The following MTMR3 variants were observed in gnomAD, a reference collection of about 807,000 sequenced individuals.
The protein encoded by MTMR3 is myotubularin related protein 3, also known as phosphatidylinositol-3,5-bisphosphate 3-phosphatase MTMR3.
A neutral mutation model predicts 132.4 loss-of-function variants in MTMR3; 32 were observed. That is an observed-to-expected ratio of 0.24 (90% confidence interval 0.18 to 0.32). The LOEUF (loss-of-function observed/expected upper bound fraction) is 0.32, where lower values mean the gene tolerates loss of function less well. Among genes scored for constraint, MTMR3 ranks in the 10% least tolerant of loss-of-function variants. The probability of loss-of-function intolerance (pLI) is 1.00; values close to 1 mark genes in which losing one functional copy is unlikely to be tolerated. For synonymous variants in MTMR3, 556 were observed against 550.3 expected, an observed-to-expected ratio of 1.01 and a Z score of -0.14; for missense variants, 1,216 against 1,489.6, an observed-to-expected ratio of 0.82 and a Z score of 3.02.
rs987249774 is a variant in MTMR3, at chr22:30,027,989, C to T, written c.*2188C>T. On this transcript the variant is annotated 3_prime_UTR_variant, in exon 20 of 20. Transcript: ENST00000401950. ...TTGGCAAAGGAAAGCTACAGATAGC[C>T]TTCCGACTCTAGACCTTGGCAAGGA... is the stretch of plus-strand genomic sequence containing the variant. 6.6e-6 allele frequency: 1 copy of T among 152,356 alleles called. No homozygotes were observed. The highest frequency in any genetic ancestry group is 1.5e-5 in the Non-Finnish European group (1 of 68,044). The allele number at this position is 152,356 out of a possible 1,614,324, so 9.4% of individuals were successfully genotyped here.
At chr22:30,021,967 C>A in intron 17 of MTMR3, 62 bp from the exon 18 acceptor site, 1 of 1,335,136 alleles carries the variant, frequency 7.5e-7, no homozygotes, top group Non-Finnish European at 1.1e-6. Flanking sequence ...CTTCACCAGG[C>A]CTTTTCTTCT....
chr22:29,966,349 T>G (rs1810314019), intron 2 of MTMR3, among the ~76,000 whole-genome samples: 2 of 152,310 alleles, frequency 1.3e-5, no homozygotes, highest in Admixed American at 1.3e-4. Context: ...ATACTTTGAA[T>G]AAGAATCCAA....
At chr22:29,996,938 T>C in intron 7 of MTMR3, 1 of 152,212 alleles carries the variant, frequency 6.6e-6, no homozygotes, top group East Asian at 1.9e-4. Flanking sequence ...GTTGACCAGA[T>C]GTTGCCCAGG....
chr22:30,024,358 C>G (rs2067850409), intron 19 of MTMR3: 1 of 152,198 alleles, frequency 6.6e-6, no homozygotes, highest in Admixed American at 6.5e-5. Context: ...TTGAGCTGAA[C>G]TCCAGCAGGA....
chr22:29,944,593 AT>A lies in MTMR3; in HGVS notation c.-137-12442del, dbSNP rs796301791. Among the ~76,000 whole-genome samples the A allele has an allele frequency of 8.1e-4, 123 of 152,336 alleles. 1 individual carries two copies. Among genetic ancestry groups the A allele is most frequent in the African/African-American group, 2.9e-3 (120 of 41,588 alleles). On this transcript the variant is annotated intron_variant, in intron 1 of 19. Transcript: ENST00000401950. ...ATCCTCAGGACATATGTAGCTTGGT[AT>A]GCAGAGGCAGCATGACTTTTGGAAA...
chr22:29,936,324 C>A (rs1181237434), intron 1 of MTMR3, among the ~76,000 whole-genome samples: 2 of 152,160 alleles, frequency 1.3e-5, no homozygotes, highest in African/African-American at 4.8e-5. Context: ...AAACTGATCA[C>A]ATGGACCAGA....
In MTMR3 at chr22:29,998,647, A is replaced by T. The variant is rs574103829; in HGVS notation, c.461-114A>T. The T allele has an allele frequency of 9.3e-4, 482 of 519,412 alleles. 2 individuals are homozygous for T. The highest frequency in any genetic ancestry group is 1.3e-3 in the Non-Finnish European group (429 of 321,088). The allele number at this position is 519,412 out of a possible 1,614,324, so 32.2% of individuals were successfully genotyped here. ...GACAGAGTGGAATCCTGTCTCAAAAAATATATATATATTTACATATATGTA... is the reference window on the plus strand; with the variant it reads ...GACAGAGTGGAATCCTGTCTCAAAATATATATATATATTTACATATATGTA... On this transcript the variant is annotated intron_variant, in intron 7 of 19. Coordinates refer to ENST00000401950, the MANE Select transcript of MTMR3 (RefSeq NM_021090.4).
chr22:29,898,912 C>CTTTTTTTTTTTT (rs199656050), intron 1 of MTMR3, among the ~76,000 whole-genome samples: 1 of 142,978 alleles, frequency 7.0e-6, no homozygotes. Flanking sequence ...TTTCTCACAT[C>CTTTTTTTTTTTT]TTTTTTTTTT....
chr22:29,970,935 C>CTTTTTT (rs34749290), intron 2 of MTMR3, 41 bp from the exon 3 acceptor site: 9 of 444,108 alleles, frequency 2.0e-5, no homozygotes, highest in Admixed American at 4.3e-5. Context: ...CTCCCCTCCT[C>CTTTTTT]TTTTTTTTTT....
intron 12 of MTMR3, chr22:30,010,061 G>C (rs2067374200): frequency 6.6e-6 from 1 of 152,234 alleles, no homozygotes; most frequent in Admixed American, 6.5e-5. Context: ...TTTGGGGAAA[G>C]CCTGACCGGA....
rs903145890 is a variant in MTMR3 at position 30,029,743 on chromosome 22, A to T, written c.*3942A>T. On this transcript the variant is annotated 3_prime_UTR_variant, in exon 20 of 20. Coordinates refer to ENST00000401950, the MANE Select transcript of MTMR3 (RefSeq NM_021090.4). Reference sequence around the variant, plus strand: ...TGTATCCACCTGATTGCAGTAGGTGAGGGCTAACAGCAGAATTTAAAGTGG... The same window carrying T: ...TGTATCCACCTGATTGCAGTAGGTGTGGGCTAACAGCAGAATTTAAAGTGG... 6.6e-6 allele frequency: 1 copy of T among 152,346 alleles called. No individual in the cohort carries two copies. Among genetic ancestry groups the T allele is most frequent in the African/African-American group, 2.4e-5 (1 of 41,448 alleles). 9.4% of individuals were successfully genotyped at this position (152,346 alleles called of 1,614,324 possible). A position where few individuals can be genotyped will look rare whatever the true frequency, so the allele number is the denominator to read the frequency against.
At chr22:29,929,073 A>T (rs1029209918) in intron 1 of MTMR3, among the ~76,000 whole-genome samples, 5 of 152,072 alleles carry the variant, frequency 3.3e-5, no homozygotes, top group Non-Finnish European at 5.9e-5. Flanking sequence ...TGAGGTCAGG[A>T]GTTCAAGACC....
intron 1 of MTMR3, among the ~76,000 whole-genome samples, chr22:29,906,330 ATCTG>A (rs879820101): frequency 0.064 from 8,583 of 133,418 alleles, 825 homozygotes; most frequent in African/African-American, 0.23. Context: ...CTATCTATCT[ATCTG>A]TCTATCTATC....
chr22:30,024,451 G>A (rs1285889531), intron 19 of MTMR3: 2 of 152,176 alleles, frequency 1.3e-5, no homozygotes, highest in Non-Finnish European at 2.9e-5. Context: ...AACTAGTTAC[G>A]AAGTACAGCA....
chr22:30,030,053 C>G lies in MTMR3; in HGVS notation c.*4252C>G, dbSNP rs2067984024. 1 of 149,334 alleles carries G rather than the reference C, an allele frequency of 6.7e-6. No homozygotes were observed. Among genetic ancestry groups the G allele is most frequent in the South Asian group, 2.1e-4 (1 of 4,658 alleles). 9.3% of individuals were successfully genotyped at this position (149,334 alleles called of 1,614,324 possible). ...GTAGAGCTCATCTGCATGTTGTGTG[C>G]AGATACCAGTAGCCTCCCTGCTTGA... On this transcript the variant is annotated 3_prime_UTR_variant, in exon 20 of 20. Coordinates refer to ENST00000401950, the MANE Select transcript of MTMR3 (RefSeq NM_021090.4).
chr22:29,899,632 G>C (rs1465084343), intron 1 of MTMR3: 2 of 152,106 alleles, frequency 1.3e-5, no homozygotes, highest in Non-Finnish European at 1.5e-5. Flanking sequence ...TCTTGTGCAG[G>C]GACCACGCTA....
At position 30,019,680 on chromosome 22, in the gene MTMR3, G is replaced by A. The variant is rs141784414; in HGVS notation, c.2021G>A (p.Gly674Glu). 6.2e-7 allele frequency: 1 copy of A among 1,614,200 alleles called. No individual in the cohort carries two copies. Among genetic ancestry groups the A allele is most frequent in the Non-Finnish European group, 8.5e-7 (1 of 1,180,048 alleles). Residue 674 changes from glycine (G) to glutamate (E), a missense_variant, in exon 17 of 20, where the codon GGG (glycine) becomes GAG (glutamate). Physicochemically the swap from Gly to Glu is moderately conservative, Grantham distance 98 (BLOSUM62 -2). Coordinates refer to ENST00000401950, the MANE Select transcript of MTMR3 (RefSeq NM_021090.4). ...CTAGGGAAGCCCACCAGAGTGCCGG[G>A]GGGTGCCGAGCTTTCTGTTGCAGCC... is the stretch of plus-strand genomic sequence containing the variant. ...DSLGKPTRVP[G>E]GAELSVAAGV...
At chr22:29,926,105 T>A (rs1166857168) in intron 1 of MTMR3, among the ~76,000 whole-genome samples, 1 of 152,146 alleles carries the variant, frequency 6.6e-6, no homozygotes, top group Non-Finnish European at 1.5e-5. Context: ...TTCAATGCAT[T>A]TACCTATTTT....
At chr22:29,940,661 G>A (rs1256636983) in intron 1 of MTMR3, among the ~76,000 whole-genome samples, 2 of 149,932 alleles carry the variant, frequency 1.3e-5, no homozygotes, top group African/African-American at 2.5e-5. Context: ...AAAAATTGTT[G>A]CTTATTGCCA....
Sources: gnomAD v4.1 joint callset for allele counts (sites outside exome capture counted in the v4.1 genomes callset) on GRCh38, gnomAD v4.1.1 for gene constraint, MANE v1.5 for transcripts, NCBI Gene and HGNC (gene_info 2026-07-23, HGNC 2026-07-21) for gene names.